ENPP3: variants seen among roughly 807,000 people sequenced by gnomAD.
ENPP3 encodes ectonucleotide pyrophosphatase/phosphodiesterase family member 3.
ENPP3 carries 104 observed loss-of-function variants against 117.8 expected under a neutral mutation model. The ratio of observed to expected loss-of-function variants is 0.88; its 90% CI spans 0.75 to 1.04. ENPP3 has a LOEUF of 1.04. Among genes scored for constraint, ENPP3 ranks in the 50% least tolerant of loss-of-function variants. The pLI is 0.00. For missense variants in ENPP3, 1,026 were observed against 1,051.9 expected, an observed-to-expected ratio of 0.98 and a Z score of 0.34; for synonymous variants, 380 against 349.9, an observed-to-expected ratio of 1.09 and a Z score of -0.96.
At chr6:131,728,341 A>G (rs1034310443) in intron 20 of ENPP3, among the ~76,000 whole-genome samples, 1 of 152,172 alleles carries the variant, frequency 6.6e-6, no homozygotes, top group Non-Finnish European at 1.5e-5. Flanking sequence ...GCTGTCTTGC[A>G]TTCTTGAATT....
rs371737976 is a variant in ENPP3 at position 131,639,265 on chromosome 6, A to ATATAT, written c.78+1804_78+1805insATATT. On this transcript the variant is annotated intron_variant, in intron 1 of 24. Transcript: ENST00000357639. ...TATGCTAATATATATATATATATAT[A>ATATAT]TTTTTTTTTTTTTCTCTCTCTCTTT... 4.6e-3 allele frequency among the ~76,000 whole-genome samples: 491 copies of ATATAT among 107,178 alleles called. 6 individuals are homozygous for ATATAT. Among genetic ancestry groups the ATATAT allele is most frequent in the African/African-American group, 0.016 (412 of 25,426 alleles). 70.3% of individuals were successfully genotyped at this position (107,178 alleles called of 152,430 possible).
chr6:131,712,571 A>G (rs767543944), intron 15 of ENPP3, among the ~76,000 whole-genome samples: 2 of 128,382 alleles, frequency 1.6e-5, no homozygotes, highest in Non-Finnish European at 3.0e-5. Flanking sequence ...ATGATCTCTT[A>G]TGCTTTCTGT....
intron 15 of ENPP3, among the ~76,000 whole-genome samples, chr6:131,718,176 G>T (rs1268582234): frequency 6.6e-6 from 1 of 152,090 alleles, no homozygotes; most frequent in East Asian, 1.9e-4. Flanking sequence ...TATTTTCCTA[G>T]ACATCTTCAC....
chr6:131,640,520 A>C (rs1778018885), intron 1 of ENPP3, among the ~76,000 whole-genome samples: 1 of 152,194 alleles, frequency 6.6e-6, no homozygotes, highest in Non-Finnish European at 1.5e-5. Flanking sequence ...TTAATTTTCC[A>C]GTTGACTTTC....
rs200127488 is a variant in ENPP3, at chr6:131,685,472, A to C, written c.1229A>C (p.Asn410Thr). 1 of 1,614,004 alleles carries C rather than the reference A, an allele frequency of 6.2e-7. No individual in the cohort carries two copies. The highest frequency in any genetic ancestry group is 1.3e-5 in the African/African-American group (1 of 75,044). ...CCTGCCCCCCGCATCCGAGCTCATA[A>C]TATACCTCATGACTTTTTTAGTTGT... The part of the protein sequence containing the change: ...EGPAPRIRAH[N>T]IPHDFFSFNS... Residue 410 changes from asparagine to threonine, a missense_variant, in exon 13 of 25, where the codon AAT becomes ACT. Physicochemically the swap from Asn to Thr is moderately conservative, Grantham distance 65. Coordinates refer to ENST00000357639, the MANE Select transcript of ENPP3 (RefSeq NM_005021.5).
intron 9 of ENPP3, among the ~76,000 whole-genome samples, chr6:131,675,725 C>T (rs1347079021): frequency 6.6e-6 from 1 of 152,084 alleles, no homozygotes; most frequent in Non-Finnish European, 1.5e-5. Context: ...ATCTTGGCTA[C>T]TCTGGAGGCT....
chr6:131,745,854 C>T (rs1253934587), intron 24 of ENPP3, among the ~76,000 whole-genome samples: 3 of 152,104 alleles, frequency 2.0e-5, no homozygotes, highest in Admixed American at 1.3e-4. Flanking sequence ...TGCGGTGGCT[C>T]ATGCCTATAA....
chr6:131,701,584 TA>T (rs1477811695), intron 15 of ENPP3, among the ~76,000 whole-genome samples: 1 of 147,420 alleles, frequency 6.8e-6, no homozygotes, highest in Non-Finnish European at 1.5e-5. Context: ...AATAAATGTT[TA>T]AAAAATATAT....
intron 21 of ENPP3, among the ~76,000 whole-genome samples, chr6:131,734,447 G>T (rs1327460969): frequency 2.0e-5 from 3 of 152,152 alleles, no homozygotes; most frequent in Non-Finnish European, 2.9e-5. Flanking sequence ...GTAATTTAAA[G>T]ATTCCGAAAT....
At chr6:131,690,798 G>A (rs770237689) in intron 14 of ENPP3, among the ~76,000 whole-genome samples, 2 of 151,870 alleles carry the variant, frequency 1.3e-5, no homozygotes, top group Admixed American at 6.6e-5. Flanking sequence ...CTAGTATGCC[G>A]ATCTTGAGTA....
rs866660263 is a variant in ENPP3, at chr6:131,638,724, C to T, written c.78+1262C>T. On this transcript the variant is annotated intron_variant, in intron 1 of 24. Coordinates refer to ENST00000357639, the MANE Select transcript of ENPP3 (RefSeq NM_005021.5). ...ACAGGCATGAACCACTGCACCTGGC[C>T]TCTAGTGTTTTCCTCAGCCAAGAAT... 26 of 169,796 alleles carry T rather than the reference C, an allele frequency of 1.5e-4. No homozygotes were observed. In the Middle Eastern group the frequency reaches 0.014, roughly 93 times the overall value. 10.5% of individuals were successfully genotyped at this position (169,796 alleles called of 1,614,324 possible).
intron 20 of ENPP3, 119 bp from the exon 21 acceptor site, chr6:131,733,469 T>C (rs1230647994): frequency 1.0e-5 from 11 of 1,090,836 alleles, no homozygotes; most frequent in Non-Finnish European, 1.3e-5. Context: ...GTAGACCTGA[T>C]TCACTAAGAA....
chr6:131,678,319 G>A (rs193093987), intron 11 of ENPP3, among the ~76,000 whole-genome samples: 12 of 152,264 alleles, frequency 7.9e-5, no homozygotes, highest in African/African-American at 1.2e-4. Context: ...TGGTATATCC[G>A]GCTGTCTACT....
At position 131,689,404 on chromosome 6, in the gene ENPP3, T is replaced by TA. The variant is rs142488804; in HGVS notation, c.1284+3498dup. The stretch of plus-strand genomic sequence containing the variant: ...TTCATTCTGAAAATCCTAGGGCCCT[T>TA]ACGAATTATGCTCAATCTACTCTAC... On this transcript the variant is annotated intron_variant, in intron 14 of 24. Coordinates refer to ENST00000357639, the MANE Select transcript of ENPP3 (RefSeq NM_005021.5). Among the ~76,000 whole-genome samples, 834 of 152,258 alleles carry TA rather than the reference T, an allele frequency of 5.5e-3. 6 individuals are homozygous for TA. Among genetic ancestry groups the TA allele is most frequent in the African/African-American group, 0.017 (705 of 41,554 alleles).
At chr6:131,693,211 C>T (rs1779327841) in intron 14 of ENPP3, among the ~76,000 whole-genome samples, 3 of 151,142 alleles carry the variant, frequency 2.0e-5, no homozygotes, top group South Asian at 2.1e-4. Context: ...GAGTCTCACT[C>T]TATGGCCCAG....
At chr6:131,681,598 T>TA (rs1175421395) in intron 11 of ENPP3, among the ~76,000 whole-genome samples, 15 of 152,020 alleles carry the variant, frequency 9.9e-5, no homozygotes, top group African/African-American at 3.4e-4. Context: ...TGTAGAAAAT[T>TA]AAAAAACACA....
intron 15 of ENPP3, among the ~76,000 whole-genome samples, chr6:131,701,855 C>T (rs1411864207): frequency 6.8e-6 from 1 of 147,856 alleles, no homozygotes; most frequent in Non-Finnish European, 1.5e-5. Context: ...GCACTCCAGC[C>T]TGGGTGACAG....
intron 5 of ENPP3, among the ~76,000 whole-genome samples, chr6:131,653,608 G>T (rs918181789): frequency 7.9e-5 from 12 of 151,896 alleles, no homozygotes; most frequent in Non-Finnish European, 1.5e-4. Flanking sequence ...TAAAGATAGG[G>T]TCTCGCAATG....
chr6:131,649,889 C>T, intron 2 of ENPP3, 138 bp from the exon 3 acceptor site: 1 of 858,152 alleles, frequency 1.2e-6, no homozygotes, highest in Non-Finnish European at 1.8e-6. Context: ...ATTGTATTGG[C>T]AGATCCTGCA....
Sources: gnomAD v4.1 joint callset for allele counts (sites outside exome capture counted in the v4.1 genomes callset) on GRCh38, gnomAD v4.1.1 for gene constraint, MANE v1.5 for transcripts, NCBI Gene and HGNC (gene_info 2026-07-23, HGNC 2026-07-21) for gene names.